The following KIRREL3 variants were observed in gnomAD, a reference collection of about 807,000 sequenced individuals.
KIRREL3 encodes the protein kirre like nephrin family adhesion molecule 3, also known as kin of IRRE-like protein 3.
A neutral mutation model predicts 89.7 loss-of-function variants in KIRREL3; 36 were observed. The observed-to-expected ratio is 0.40, with a 90% confidence interval of 0.31 to 0.53. The LOEUF (loss-of-function observed/expected upper bound fraction) is 0.53. KIRREL3 is among the 20% of genes least tolerant of loss of function. The pLI is 0.49. For synonymous variants in KIRREL3, 445 were observed against 441.4 expected, an observed-to-expected ratio of 1.01 and a Z score of -0.10; for missense variants, 864 against 1,056.6, an observed-to-expected ratio of 0.82 and a Z score of 2.53.
At chr11:126,478,403 A>C (rs906950977) in intron 4 of KIRREL3, among the ~76,000 whole-genome samples, 1 of 152,118 alleles carries the variant, frequency 6.6e-6, no homozygotes, top group African/African-American at 2.4e-5. Context: ...TATTTGTTGA[A>C]TATATTATTT....
At chr11:126,436,282 G>A (rs1020514414) in intron 12 of KIRREL3, among the ~76,000 whole-genome samples, 2 of 152,208 alleles carry the variant, frequency 1.3e-5, no homozygotes, top group Non-Finnish European at 2.9e-5. Context: ...ATCTGGACAA[G>A]CAAGCCTAAC....
At chr11:126,629,257 G>A (rs1189318234) in intron 1 of KIRREL3, among the ~76,000 whole-genome samples, 1 of 152,134 alleles carries the variant, frequency 6.6e-6, no homozygotes, top group African/African-American at 2.4e-5. Context: ...GGGTAGAGGC[G>A]GACCAGGACT....
In KIRREL3 at chr11:126,451,158, C is replaced by G. The variant is rs1483827198; in HGVS notation, c.849-2001G>C. 3.1e-5 allele frequency among the ~76,000 whole-genome samples: 4 copies of G among 128,982 alleles called. No homozygotes were observed. The Admixed American group carries it at 3.2e-4, about 10-fold the overall frequency. The allele number at this position is 128,982 out of a possible 152,430, so 84.6% of individuals were successfully genotyped here. The stretch of plus-strand genomic sequence containing the variant: ...ATGTGTGTGCATGTGTAAATGTGGG[C>G]ACGTGTGAATGTGTACATGTGTGAA... On this transcript the variant is annotated intron_variant, in intron 7 of 16. Coordinates refer to ENST00000525144, the MANE Select transcript of KIRREL3 (RefSeq NM_032531.4).
rs36218965 is a variant in KIRREL3, at chr11:126,856,555, GTATA to G, written c.55+143896_55+143899del. ...GTATTTTCTGATAACATTTTTCTAAGTATATATATATATATATATATATATATAT... is the reference window on the plus strand; with the variant it reads ...GTATTTTCTGATAACATTTTTCTAAGTATATATATATATATATATATATAT... On this transcript the variant is annotated intron_variant, in intron 1 of 16. Transcript: ENST00000525144. 5.3e-3 allele frequency among the ~76,000 whole-genome samples: 724 copies of G among 136,570 alleles called. 3 individuals carry two copies. The highest frequency in any genetic ancestry group is 8.1e-3 in the Non-Finnish European group (519 of 63,934). The allele number at this position is 136,570 out of a possible 152,430, so 89.6% of individuals were successfully genotyped here.
Position 126,709,655 on chromosome 11 carries a change from T to C in KIRREL3, c.56-146743A>G, listed in dbSNP as rs1179622800. Among the ~76,000 whole-genome samples, 1 of 152,150 alleles carries C rather than the reference T, an allele frequency of 6.6e-6. No individual in the cohort carries two copies. Among genetic ancestry groups the C allele is most frequent in the Non-Finnish European group, 1.5e-5 (1 of 68,030 alleles). On this transcript the variant is annotated intron_variant, in intron 1 of 16. Coordinates refer to ENST00000525144, the MANE Select transcript of KIRREL3 (RefSeq NM_032531.4). The surrounding 1 kb of genome is among the most constrained non-coding windows in gnomAD (Gnocchi z 4.0). ...ACACAGAGGTACAGAGGGAAGACCA[T>C]GTGAAGATGAGGGAAGGCAGACATC...
Position 126,561,941 on chromosome 11 carries a change from T to G in KIRREL3, c.133+894A>C, listed in dbSNP as rs7931414. ...GGGATAGAGATGGTAGAAAGAAGCT[T>G]CCTCCTTCTTGCTGGAATGGGAATG... On this transcript the variant is annotated intron_variant, in intron 2 of 16. Transcript: ENST00000525144. This position sits in a 1 kb window ranked among gnomAD's most constrained non-coding sequence, Gnocchi z 4.5. Among the ~76,000 whole-genome samples, 26,470 of 152,032 alleles carry G rather than the reference T, an allele frequency of 0.17. 2,483 individuals carry two copies. Among genetic ancestry groups the G allele is most frequent in the Non-Finnish European group, 0.2 (13,480 of 67,972 alleles).
In KIRREL3 at chr11:126,782,445, C is replaced by T. The variant is rs1310903925; in HGVS notation, c.55+218010G>A. On this transcript the variant is annotated intron_variant, in intron 1 of 16. Coordinates refer to ENST00000525144, the MANE Select transcript of KIRREL3 (RefSeq NM_032531.4). The surrounding 1 kb of genome is among the most constrained non-coding windows in gnomAD (Gnocchi z 4.1). ...ATTAGAGAAGACGAGGGAGAAAGTA[C>T]AGGCTCTTGAACTCAGCTGGGAGGA... Among the ~76,000 whole-genome samples the T allele has an allele frequency of 6.6e-6, 1 of 152,198 alleles. No individual in the cohort carries two copies. The highest frequency in any genetic ancestry group is 1.5e-5 in the Non-Finnish European group (1 of 68,038).
upstream of KIRREL3, among the ~76,000 whole-genome samples, chr11:127,001,938 C>T (rs997281897): frequency 3.9e-5 from 6 of 152,080 alleles, no homozygotes; most frequent in African/African-American, 1.4e-4. Context: ...AAGACGCTCC[C>T]CTGACATGTG....
chr11:126,927,658 T>G (rs1308665335), intron 1 of KIRREL3, among the ~76,000 whole-genome samples: 2 of 152,192 alleles, frequency 1.3e-5, no homozygotes, highest in African/African-American at 2.4e-5. Context: ...CAACGAAGAT[T>G]TCCAGTGCTT....
rs58257040 is a variant in KIRREL3 at position 126,689,042 on chromosome 11, A to AAGAGAGAGAGAGAGAG, written c.56-126146_56-126131dup. Among the ~76,000 whole-genome samples the AAGAGAGAGAGAGAGAG allele has an allele frequency of 1.3e-4, 17 of 129,816 alleles. No homozygotes were observed. The highest frequency in any genetic ancestry group is 5.6e-4 in the South Asian group (2 of 3,596). The allele number at this position is 129,816 out of a possible 152,430, so 85.2% of individuals were successfully genotyped here. A position where few individuals can be genotyped will look rare whatever the true frequency, so the allele number is the denominator to read the frequency against. The stretch of plus-strand genomic sequence containing the variant: ...ATGTGTGTGTGTGTAAGGGGGAGAG[A>AAGAGAGAGAGAGAGAG]AGAGAGAGAGAGAGAGAGAGAGAGA... On this transcript the variant is annotated intron_variant, in intron 1 of 16. Transcript: ENST00000525144. This position sits in a 1 kb window ranked among gnomAD's most constrained non-coding sequence, Gnocchi z 5.2.
chr11:126,657,567 G>T (rs1308773173), intron 1 of KIRREL3, among the ~76,000 whole-genome samples: 1 of 152,202 alleles, frequency 6.6e-6, no homozygotes, highest in African/African-American at 2.4e-5. Flanking sequence ...ACCCAGTGTG[G>T]GGCTGGGACG....
chr11:126,560,762 T>C (rs60409864), intron 2 of KIRREL3, among the ~76,000 whole-genome samples: 32,561 of 152,162 alleles, frequency 0.21, 3,888 homozygotes, highest in African/African-American at 0.31. Context: ...ACAATGATCA[T>C]CAACTTATCT....
intron 1 of KIRREL3, among the ~76,000 whole-genome samples, chr11:126,846,701 C>T (rs554211429): frequency 1.3e-5 from 2 of 151,986 alleles, no homozygotes; most frequent in South Asian, 2.1e-4. Flanking sequence ...AAATTTCACA[C>T]GCAAGGTGTA....
intron 1 of KIRREL3, among the ~76,000 whole-genome samples, chr11:126,960,756 C>T (rs997346802): frequency 6.6e-6 from 1 of 152,040 alleles, no homozygotes; most frequent in African/African-American, 2.4e-5. Flanking sequence ...CTTACATGCA[C>T]ACCTTGTTTT....
At chr11:126,691,198 A>G (rs1238816648) in intron 1 of KIRREL3, among the ~76,000 whole-genome samples, 1 of 152,126 alleles carries the variant, frequency 6.6e-6, no homozygotes, top group Non-Finnish European at 1.5e-5. Flanking sequence ...TGCTGATGGG[A>G]AGGAGAAATT....
chr11:126,612,157 TA>T lies in KIRREL3; in HGVS notation c.56-49246del, dbSNP rs1160938964. Among the ~76,000 whole-genome samples the T allele has an allele frequency of 1.3e-5, 2 of 152,206 alleles. No homozygotes were observed. Among genetic ancestry groups the T allele is most frequent in the Non-Finnish European group, 2.9e-5 (2 of 68,034 alleles). Reference sequence around the variant, plus strand: ...GCAAGGAGTGTGTCTATTTGTTCACTACAGTATTATATGAACACCCCTGGCA... The same window carrying T: ...GCAAGGAGTGTGTCTATTTGTTCACTCAGTATTATATGAACACCCCTGGCA... On this transcript the variant is annotated intron_variant, in intron 1 of 16. Coordinates refer to ENST00000525144, the MANE Select transcript of KIRREL3 (RefSeq NM_032531.4). The surrounding 1 kb of genome is among the most constrained non-coding windows in gnomAD (Gnocchi z 4.5).
chr11:126,644,447 C>T (rs943973002), intron 1 of KIRREL3, among the ~76,000 whole-genome samples: 7 of 152,148 alleles, frequency 4.6e-5, no homozygotes, highest in Admixed American at 1.3e-4. Flanking sequence ...AGTTTTGAGT[C>T]GTGCATTTCA....
intron 2 of KIRREL3, among the ~76,000 whole-genome samples, chr11:126,536,650 T>A (rs1937910262): frequency 7.2e-6 from 1 of 139,438 alleles, no homozygotes; most frequent in Non-Finnish European, 1.6e-5. Context: ...TGCTTTTTTT[T>A]TTTTTTTTTT....
At position 126,903,428 on chromosome 11, in the gene KIRREL3, T is replaced by C. The variant is rs1946451179; in HGVS notation, c.55+97027A>G. ...GCAATGTTTAATTAGAGATTAAAAT[T>C]GAGGAATTGAATAATTGAGGTTGCT... On this transcript the variant is annotated intron_variant, in intron 1 of 16. Coordinates refer to ENST00000525144, the MANE Select transcript of KIRREL3 (RefSeq NM_032531.4). This position sits in a 1 kb window ranked among gnomAD's most constrained non-coding sequence, Gnocchi z 4.5. Among the ~76,000 whole-genome samples the C allele has an allele frequency of 6.6e-6, 1 of 152,228 alleles. No individual in the cohort carries two copies. Among genetic ancestry groups the C allele is most frequent in the South Asian group, 2.1e-4 (1 of 4,830 alleles).
Sources: allele counts gnomAD v4.1 joint callset (sites outside exome capture counted in the v4.1 genomes callset), GRCh38; gene constraint gnomAD v4.1.1; non-coding constraint Gnocchi (gnomAD v3.1); transcripts MANE v1.5; gene names NCBI Gene and HGNC (gene_info 2026-07-23, HGNC 2026-07-21).